BRSK2: variants seen among roughly 807,000 people sequenced by gnomAD.
BRSK2 encodes the protein BR serine/threonine kinase 2, also known as serine/threonine-protein kinase BRSK2.
A neutral mutation model predicts 83.3 loss-of-function variants in BRSK2; 19 were observed. The ratio of observed to expected loss-of-function variants is 0.23; its 90% confidence interval spans 0.16 to 0.33. BRSK2 has a LOEUF of 0.33. BRSK2 is among the 10% of genes least tolerant of loss of function. The pLI is 1.00. For missense variants in BRSK2, 798 were observed against 1,042.3 expected (o/e 0.77, Z 3.23); for synonymous variants, 519 against 435.4 (o/e 1.19, Z -2.39).
Position 1,390,989 on chromosome 11 carries a change from A to G in BRSK2, c.91+614A>G, listed in dbSNP as rs898907848. 1.3e-5 allele frequency among the ~76,000 whole-genome samples: 2 copies of G among 152,110 alleles called. No individual in the cohort carries two copies. Among genetic ancestry groups the G allele is most frequent in the East Asian group, 1.9e-4 (1 of 5,164 alleles). On this transcript the variant is annotated intron_variant, in intron 1 of 19. Transcript: ENST00000528841. The surrounding 1 kb of genome is among the most constrained non-coding windows in gnomAD (Gnocchi z 6.8). Reference sequence around the variant, plus strand: ...CATTCCCACGGGGCAGGGAGAGGCCATTGGTGCTGGGACCAGAAGTGCGTG... The same window carrying G: ...CATTCCCACGGGGCAGGGAGAGGCCGTTGGTGCTGGGACCAGAAGTGCGTG...
intron 1 of BRSK2, chr11:1,411,745 C>T: frequency 7.0e-7 from 1 of 1,430,574 alleles, no homozygotes; most frequent in Admixed American, 2.2e-5. Context: ...CACTGGTGGG[C>T]TGCACCTGCT....
chr11:1,427,587 G>A (rs906749698), intron 1 of BRSK2, among the ~76,000 whole-genome samples: 4 of 152,194 alleles, frequency 2.6e-5, no homozygotes, highest in African/African-American at 9.6e-5. Flanking sequence ...GCCGGCACAC[G>A]CTCCCACAGA....
At chr11:1,441,433 TCCC>T (rs1348122546) in intron 4 of BRSK2, among the ~76,000 whole-genome samples, 1 of 5,668 alleles carries the variant, frequency 1.8e-4, no homozygotes, top group Non-Finnish European at 3.2e-4. Flanking sequence ...AGGTGCACCG[TCCC>T]CCCCATTAGC....
At chr11:1,443,665 G>T (rs753128891) in intron 8 of BRSK2, 30 bp downstream of exon 8, 1 of 1,451,902 alleles carries the variant, frequency 6.9e-7, no homozygotes, top group East Asian at 2.4e-5. Context: ...GGCGGCCCCA[G>T]AGCGTGGCGG....
At chr11:1,439,789 C>T (rs951129732) in intron 3 of BRSK2, among the ~76,000 whole-genome samples, 4 of 149,820 alleles carry the variant, frequency 2.7e-5, no homozygotes, top group Admixed American at 2.0e-4. Context: ...GAGGGCTTCA[C>T]ACCTTCCCCT....
chr11:1,420,028 A>G (rs998494125), intron 1 of BRSK2, among the ~76,000 whole-genome samples: 8 of 152,230 alleles, frequency 5.3e-5, no homozygotes, highest in Admixed American at 5.2e-4. Context: ...GTTCGTCTCC[A>G]AGGAAGCCTG....
intron 16 of BRSK2, among the ~76,000 whole-genome samples, chr11:1,455,944 CTT>C (rs1295570948): frequency 6.6e-6 from 1 of 152,144 alleles, no homozygotes; most frequent in Non-Finnish European, 1.5e-5. Flanking sequence ...CAGCCCCGCC[CTT>C]GCACCTCCCT....
intron 1 of BRSK2, among the ~76,000 whole-genome samples, chr11:1,411,794 C>T (rs1030483341): frequency 6.6e-6 from 1 of 152,224 alleles, no homozygotes; most frequent in Non-Finnish European, 1.5e-5. Context: ...CTGGCGCTGC[C>T]TGCCCCTATG....
At position 1,449,063 on chromosome 11, in the gene BRSK2, C is replaced by T. The variant is rs994871092; in HGVS notation, c.1227-713C>T. ...TGCCACTGTCTGGGCACGTGGGCGC[C>T]GGCTCGTCCGTGCAGTGTGGTGGAA... On this transcript the variant is annotated intron_variant, in intron 12 of 19. Transcript: ENST00000528841. Among the ~76,000 whole-genome samples the T allele has an allele frequency of 7.9e-5, 12 of 152,352 alleles. No individual in the cohort carries two copies. In the South Asian group the frequency reaches 1.4e-3, roughly 18 times the overall value.
Position 1,438,452 on chromosome 11 carries a change from T to C in BRSK2, c.272+61T>C, listed in dbSNP as rs909110529. 3.4e-6 allele frequency: 5 copies of C among 1,474,280 alleles called. No homozygotes were observed. The South Asian group carries it at 5.7e-5, about 17-fold the overall frequency. The allele number at this position is 1,474,280 out of a possible 1,614,324, so 91.3% of individuals were successfully genotyped here. A position where few individuals can be genotyped will look rare whatever the true frequency, so the allele number is the denominator to read the frequency against. ...GAGGTGGCAGCTGTCGCTGCAGGGG[T>C]GGGTGTCTGGGGCTTGGGGAGCACA... On this transcript the variant is annotated intron_variant, in intron 3 of 19. Coordinates refer to ENST00000528841, the MANE Select transcript of BRSK2 (RefSeq NM_001256627.2). The surrounding 1 kb of genome is among the most constrained non-coding windows in gnomAD (Gnocchi z 6.4).
At chr11:1,442,301 C>T in intron 4 of BRSK2, 189 bp from the exon 5 acceptor site, 1 of 534,974 alleles carries the variant, frequency 1.9e-6, no homozygotes, top group Non-Finnish European at 3.5e-6. Context: ...GACCAAAGGC[C>T]AGAGCCAAAC....
intron 12 of BRSK2, among the ~76,000 whole-genome samples, chr11:1,446,177 G>C (rs1852081781): frequency 6.7e-6 from 1 of 148,688 alleles, no homozygotes; most frequent in Non-Finnish European, 1.5e-5. Context: ...GGCCTGGGCT[G>C]GGCTGGGCTA....
In BRSK2 at chr11:1,392,023, A is replaced by AG. The variant is rs1312093464; in HGVS notation, c.91+1655dup. On this transcript the variant is annotated intron_variant, in intron 1 of 19. Transcript: ENST00000528841. ...AGAGAGATATTTAGAAAACAGCTCG[A>AG]GGGGGGGCACAAAGCGGCCCCTCTC... is the stretch of plus-strand genomic sequence containing the variant. 5.3e-5 allele frequency among the ~76,000 whole-genome samples: 8 copies of AG among 152,224 alleles called. No homozygotes were observed. The South Asian group carries it at 1.5e-3, about 28-fold the overall frequency.
At position 1,456,683 on chromosome 11, in the gene BRSK2, G is replaced by T; in HGVS notation, c.1935G>T (p.Leu645Phe). The change falls in exon 18 of 20, where the codon TTG becomes TTT. Residue 645 changes from leucine (L) to phenylalanine (F), a missense_variant. Transcript: ENST00000528841. The part of the protein sequence containing the change: ...STHDPPAAQH[L>F]SDTTNCMEMM... ...ACGACCCGCCTGCGGCCCAGCACTT[G>T]TCAGGTGAGGCGGGCTCAGCTCCGG... 2 of 1,600,076 alleles carry T rather than the reference G, an allele frequency of 1.2e-6. No individual in the cohort carries two copies. The highest frequency in any genetic ancestry group is 1.7e-6 in the Non-Finnish European group (2 of 1,174,678).
intron 7 of BRSK2, 38 bp from the exon 8 acceptor site, chr11:1,443,451 G>T (rs1564852097): frequency 3.2e-6 from 5 of 1,569,700 alleles, no homozygotes; most frequent in Middle Eastern, 1.7e-4. Context: ...CCCCAAACCT[G>T]CCCCCCCACG....
chr11:1,398,746 C>A (rs1230285471), intron 1 of BRSK2, among the ~76,000 whole-genome samples: 1 of 152,024 alleles, frequency 6.6e-6, no homozygotes, highest in Non-Finnish European at 1.5e-5. Context: ...GGTTAGGCTG[C>A]AGGCCCTGCC....
chr11:1,439,171 A>C (rs1039175932), intron 3 of BRSK2, among the ~76,000 whole-genome samples: 1 of 152,136 alleles, frequency 6.6e-6, no homozygotes, highest in Non-Finnish European at 1.5e-5. Flanking sequence ...GGGAACATAC[A>C]GGGCTGGGCT....
At chr11:1,415,396 G>A (rs1847997969) in intron 1 of BRSK2, among the ~76,000 whole-genome samples, 1 of 151,968 alleles carries the variant, frequency 6.6e-6, no homozygotes, top group Non-Finnish European at 1.5e-5. Flanking sequence ...GCCTGGCCCT[G>A]TCTTTACCTT....
intron 6 of BRSK2, 82 bp downstream of exon 6, chr11:1,443,221 C>T (rs993294238): frequency 2.0e-6 from 3 of 1,515,798 alleles, no homozygotes; most frequent in African/African-American, 2.8e-5. Flanking sequence ...GCCTGCCGCA[C>T]CCCCAGGTGC....
Sources: gnomAD v4.1 joint callset for allele counts (sites outside exome capture counted in the v4.1 genomes callset) on GRCh38, gnomAD v4.1.1 for gene constraint, Gnocchi (gnomAD v3.1) non-coding constraint, MANE v1.5 for transcripts, NCBI Gene and HGNC (gene_info 2026-07-23, HGNC 2026-07-21) for gene names.